The following BRAT1 variants were observed in gnomAD, a reference collection of about 807,000 sequenced individuals.
BRAT1 encodes BRCA1 associated ATM activator 1.
A neutral mutation model predicts 70.6 loss-of-function variants in BRAT1; 74 were observed. The ratio of observed to expected loss-of-function variants is 1.05; its 90% CI spans 0.87 to 1.27. BRAT1 has a LOEUF of 1.27. Among genes scored for constraint, BRAT1 ranks in the 50% most tolerant of loss-of-function variants. BRAT1 has a pLI of 0.00. For missense variants in BRAT1, 1,203 were observed against 1,098.2 expected, an observed-to-expected ratio of 1.10 and a Z score of -1.35; for synonymous variants, 615 against 517.1, an observed-to-expected ratio of 1.19 and a Z score of -2.57.
Position 2,539,833 on chromosome 7 carries a change from G to C in BRAT1, c.1451C>G (p.Thr484Ser), listed in dbSNP as rs200248064. 110 of 1,609,798 alleles carry C rather than the reference G, an allele frequency of 6.8e-5. No individual in the cohort carries two copies. Among genetic ancestry groups the C allele is most frequent in the Admixed American group, 1.4e-4 (8 of 59,256 alleles). ...GGGGCCGAGATCAGAGCAGCCGGGG[G>C]TCTTGGGTGAGCTCAGGAGCCACCT... is the stretch of plus-strand genomic sequence containing the variant. ...TLRWLLSSPK[T>S]PGCSDLGPLI... is the part of the protein sequence containing the mutation. The change falls in exon 11 of 14, where the codon ACC (threonine) becomes AGC (serine). Residue 484 changes from threonine (T) to serine (S), a missense_variant. By Grantham distance (58) the Thr-to-Ser change is moderately conservative. Coordinates refer to ENST00000340611, the MANE Select transcript of BRAT1 (RefSeq NM_152743.4).
In BRAT1 at chr7:2,539,817, A is replaced by G. The variant is rs145727035; in HGVS notation, c.1467T>C (p.Asp489=). 6.2e-6 allele frequency: 10 copies of G among 1,611,866 alleles called. No homozygotes were observed. The African/African-American group carries it at 1.2e-4, about 19-fold the overall frequency. The change falls in exon 11 of 14, where the codon GAT becomes GAC. Residue 489 remains aspartate, a synonymous_variant. Coordinates refer to ENST00000340611, the MANE Select transcript of BRAT1 (RefSeq NM_152743.4). ...GGAACTGCGGGATGAGGGGGCCGAG[A>G]TCAGAGCAGCCGGGGGTCTTGGGTG... The part of the protein sequence containing the change: ...LSSPKTPGCS[D]LGPLIPQFLR...
intron 2 of BRAT1, among the ~76,000 whole-genome samples, chr7:2,552,657 C>A (rs2128413191): frequency 6.6e-6 from 1 of 151,910 alleles, no homozygotes; most frequent in South Asian, 2.1e-4. Flanking sequence ...TAACAACATG[C>A]AGTCTATCCC....
At position 2,541,501 on chromosome 7, in the gene BRAT1, C is replaced by G. The variant is rs944024087; in HGVS notation, c.1135-17G>C. The G allele has an allele frequency of 6.6e-7, 1 of 1,521,170 alleles. No individual in the cohort carries two copies. The allele number at this position is 1,521,170 out of a possible 1,614,324, so 94.2% of individuals were successfully genotyped here. ...GCGCTGGGGCTGCGAGGAAGAGGGC[C>G]GTCAGCCAAGGTTGCGGTCCCACTG... On this transcript the variant is annotated splice_polypyrimidine_tract_variant and intron_variant, in intron 8 of 13. Transcript: ENST00000340611.
chr7:2,541,705 G>A lies in BRAT1; in HGVS notation c.1134+13C>T, dbSNP rs376898680. 1.7e-4 allele frequency: 274 copies of A among 1,599,938 alleles called. No homozygotes were observed. The highest frequency in any genetic ancestry group is 3.4e-4 in the Middle Eastern group (2 of 5,858). On this transcript the variant is annotated intron_variant, in intron 8 of 13. Coordinates refer to ENST00000340611, the MANE Select transcript of BRAT1 (RefSeq NM_152743.4). ...GATGCTGCTGGGCTGCATGAGGACC[G>A]GGCCGCACCTACCAGCGGCTGCAGC...
At chr7:2,552,021 G>A (rs1314984969) in intron 2 of BRAT1, among the ~76,000 whole-genome samples, 5 of 134,412 alleles carry the variant, frequency 3.7e-5, no homozygotes, top group Admixed American at 3.1e-4. Context: ...CCAAAGTACT[G>A]CAATGTAAAA....
intron 3 of BRAT1, among the ~76,000 whole-genome samples, chr7:2,545,363 CAAAAAAA>C (rs1185029266): frequency 0.011 from 272 of 25,120 alleles, 2 homozygotes; most frequent in Middle Eastern, 0.036. Flanking sequence ...GACTCCATCT[CAAAAAAA>C]AAAAAAAAAA....
chr7:2,550,877 C>T (rs544844599), intron 2 of BRAT1, among the ~76,000 whole-genome samples: 6 of 152,080 alleles, frequency 3.9e-5, no homozygotes, highest in East Asian at 1.9e-4. Context: ...TCATGTCAGA[C>T]GGGTCACGTA....
chr7:2,538,801 G>A, intron 13 of BRAT1, 37 bp from the exon 14 acceptor site: 2 of 1,595,500 alleles, frequency 1.3e-6, no homozygotes, highest in Non-Finnish European at 1.7e-6. Context: ...GGTTGGTGGG[G>A]TGGCAGGAGC....
At position 2,547,377 on chromosome 7, in the gene BRAT1, G is replaced by T; in HGVS notation, c.229C>A (p.Leu77Met). The T allele has an allele frequency of 6.2e-7, 1 of 1,614,192 alleles. No homozygotes were observed. The highest frequency in any genetic ancestry group is 1.1e-5 in the South Asian group (1 of 91,086). Reference protein sequence around the residue: ...DLSSGVLSFSLRLAGTFAAQE... With the variant: ...DLSSGVLSFSMRLAGTFAAQE... ...GCTGCGAAGGTTCCTGCCAGGCGCAGTGAGAAGGAGAGGACCCCAGAACTC... is the reference window on the plus strand; with the variant it reads ...GCTGCGAAGGTTCCTGCCAGGCGCATTGAGAAGGAGAGGACCCCAGAACTC... Residue 77 changes from leucine to methionine, a missense_variant, in exon 3 of 14, where the codon CTG (leucine) becomes ATG (methionine). By Grantham distance (15) the Leu-to-Met change is conservative. Transcript: ENST00000340611.
In BRAT1 at chr7:2,539,652, G is replaced by T; in HGVS notation, c.1499-10C>A. ...AGCACAGGGAACAGCTCTAGGGTGGGAAGGGACAGGTCAGGGTGACCTTGG... is the reference window on the plus strand; with the variant it reads ...AGCACAGGGAACAGCTCTAGGGTGGTAAGGGACAGGTCAGGGTGACCTTGG... On this transcript the variant is annotated splice_polypyrimidine_tract_variant and intron_variant, in intron 11 of 13. Transcript: ENST00000340611. 6.3e-7 allele frequency: 1 copy of T among 1,584,666 alleles called. No individual in the cohort carries two copies. The highest frequency in any genetic ancestry group is 8.6e-7 in the Non-Finnish European group (1 of 1,164,382).
chr7:2,539,179 C>T lies in BRAT1; in HGVS notation c.1770G>A (p.Gln590=). 1 of 1,593,614 alleles carries T rather than the reference C, an allele frequency of 6.3e-7. No individual in the cohort carries two copies. Residue 590 remains glutamine, a splice_region_variant and synonymous_variant, in exon 13 of 14, where the codon CAG becomes CAA. Transcript: ENST00000340611. ...PTSPEHAEAR[Q]SLFLELLHIL... ...GGCTGAGGAACCTGCCACCTCCTAC[C>T]TGCCGGGCCTCTGCATGCTCAGGGC...
Position 2,543,374 on chromosome 7 carries a change from A to T in BRAT1, c.804-51T>A. The T allele has an allele frequency of 6.6e-7, 1 of 1,526,180 alleles. No individual in the cohort carries two copies. The highest frequency in any genetic ancestry group is 8.8e-7 in the Non-Finnish European group (1 of 1,135,628). 94.5% of individuals were successfully genotyped at this position (1,526,180 alleles called of 1,614,324 possible). On this transcript the variant is annotated intron_variant, in intron 5 of 13. Transcript: ENST00000340611. This position sits in a 1 kb window ranked among gnomAD's most constrained non-coding sequence, Gnocchi z 5.5. The stretch of plus-strand genomic sequence containing the variant: ...ATTACTCCCCCACCCTCAAAACCCC[A>T]TTCGAGGCCTGGCTGAGACTGCCAT...
Position 2,554,456 on chromosome 7 carries a change from G to A in BRAT1, c.-16-9C>T. ...TGGTGAGGCCGCAGGCCCTGCAAAGGCAATGTGAGAGCCAAACCTCAATGC... is the reference window on the plus strand; with the variant it reads ...TGGTGAGGCCGCAGGCCCTGCAAAGACAATGTGAGAGCCAAACCTCAATGC... On this transcript the variant is annotated splice_polypyrimidine_tract_variant and intron_variant, in intron 1 of 13. Transcript: ENST00000340611. 1 of 1,608,002 alleles carries A rather than the reference G, an allele frequency of 6.2e-7. No homozygotes were observed. The highest frequency in any genetic ancestry group is 2.2e-5 in the East Asian group (1 of 44,812).
chr7:2,543,368 A>C lies in BRAT1; in HGVS notation c.804-45T>G, dbSNP rs757013190. On this transcript the variant is annotated intron_variant, in intron 5 of 13. Transcript: ENST00000340611. This position sits in a 1 kb window ranked among gnomAD's most constrained non-coding sequence, Gnocchi z 5.5. ...AGAAAAATTACTCCCCCACCCTCAA[A>C]ACCCCATTCGAGGCCTGGCTGAGAC... 1 of 1,533,506 alleles carries C rather than the reference A, an allele frequency of 6.5e-7. No homozygotes were observed. Among genetic ancestry groups the C allele is most frequent in the Non-Finnish European group, 8.8e-7 (1 of 1,138,426 alleles). 95.0% of individuals were successfully genotyped at this position (1,533,506 alleles called of 1,614,324 possible).
chr7:2,545,773 A>AGC (rs1041039006), intron 3 of BRAT1, among the ~76,000 whole-genome samples: 1 of 152,204 alleles, frequency 6.6e-6, no homozygotes, highest in African/African-American at 2.4e-5. Flanking sequence ...TATAGGCATG[A>AGC]GCCACCGTGC....
At chr7:2,553,087 C>T (rs1780159348) in intron 2 of BRAT1, among the ~76,000 whole-genome samples, 1 of 152,114 alleles carries the variant, frequency 6.6e-6, no homozygotes, top group African/African-American at 2.4e-5. Flanking sequence ...CGCTGGAGTG[C>T]AGTGGCACGA....
At chr7:2,546,056 C>T (rs920255155) in intron 3 of BRAT1, among the ~76,000 whole-genome samples, 10 of 152,248 alleles carry the variant, frequency 6.6e-5, no homozygotes, top group East Asian at 3.8e-4. Context: ...GCTCACACCA[C>T]GCATCCCGAC....
intron 2 of BRAT1, among the ~76,000 whole-genome samples, chr7:2,549,482 T>TAA (rs1214335511): frequency 4.1e-5 from 6 of 148,030 alleles, no homozygotes; most frequent in Non-Finnish European, 9.0e-5. Context: ...AAGAAGAACA[T>TAA]AAATAGAATG....
Position 2,541,450 on chromosome 7 carries a change from A to T in BRAT1, c.1169T>A (p.Leu390Gln). 6.4e-7 allele frequency: 1 copy of T among 1,566,782 alleles called. No individual in the cohort carries two copies. Among genetic ancestry groups the T allele is most frequent in the African/African-American group, 1.4e-5 (1 of 74,056 alleles). The change falls in exon 9 of 14, where the codon CTA becomes CAA. Residue 390 changes from leucine (L) to glutamine (Q), a missense_variant. Transcript: ENST00000340611. ...QRPSPWPQAS[L>Q]LGATVTVLRL... ...CAGGACAGTCACTGTAGCCCCCAGT[A>T]GAGACGCCTGGGGCCACGGTGAAGG...
Sources: gnomAD v4.1 joint callset for allele counts (sites outside exome capture counted in the v4.1 genomes callset) on GRCh38, gnomAD v4.1.1 for gene constraint, Gnocchi (gnomAD v3.1) non-coding constraint, MANE v1.5 for transcripts, NCBI Gene and HGNC (gene_info 2026-07-23, HGNC 2026-07-21) for gene names.